The following GOLGA6L4 variants were observed in gnomAD, a reference collection of about 807,000 sequenced individuals.
GOLGA6L4 encodes golgin A6 family like 4.
Under a neutral mutation model 17.6 loss-of-function variants are expected in GOLGA6L4, and 1 was observed. The ratio of observed to expected loss-of-function variants is 0.06; its 90% CI spans 0.02 to 0.27. GOLGA6L4 has a LOEUF of 0.27. Among genes scored for constraint, GOLGA6L4 ranks in the 10% least tolerant of loss-of-function variants. GOLGA6L4 has a pLI of 1.00. For synonymous variants in GOLGA6L4, 1 was observed against 73.2 expected (o/e 0.01, Z 5.04); for missense variants, 14 against 172.2 (o/e 0.08, Z 5.14).
In GOLGA6L4 at chr15:84,244,150, TCA is replaced by T. The variant is rs1372483875; in HGVS notation, c.*1559_*1560del. On this transcript the variant is annotated 3_prime_UTR_variant, in exon 9 of 9. Transcript: ENST00000510439. ...AGAGTGAAATATGTTTTTATACCTC[TCA>T]GTTTCAGTTAGAGGCATATTTTGTG... 13 of 51,058 alleles carry T rather than the reference TCA, an allele frequency of 2.5e-4. No homozygotes were observed. Among genetic ancestry groups the T allele is most frequent in the Non-Finnish European group, 5.2e-4 (13 of 24,858 alleles). The allele number at this position is 51,058 out of a possible 1,614,324, so 3.2% of individuals were successfully genotyped here. A position where few individuals can be genotyped will look rare whatever the true frequency, so the allele number is the denominator to read the frequency against.
Sources: allele counts gnomAD v4.1 joint callset, GRCh38; gene constraint gnomAD v4.1.1; transcripts MANE v1.5; gene names NCBI Gene and HGNC (gene_info 2026-07-23, HGNC 2026-07-21).